Variants in ZNF462 observed in about 807,000 individuals in gnomAD.
The protein encoded by ZNF462 is zinc finger protein 462.
Under a neutral mutation model 201.9 loss-of-function variants are expected in ZNF462, and 10 were observed. The ratio of observed to expected loss-of-function variants is 0.05; its 90% CI spans 0.03 to 0.08. The LOEUF is 0.08. Among genes scored for constraint, ZNF462 ranks in the 10% least tolerant of loss-of-function variants. The pLI, the probability that ZNF462 is intolerant of heterozygous loss-of-function variation, is 1.00. For missense variants in ZNF462, 2,523 were observed against 3,168.3 expected (o/e 0.80, Z 4.89); for synonymous variants, 1,227 against 1,193.3 (o/e 1.03, Z -0.58).
At position 106,884,137 on chromosome 9, in the gene ZNF462, G is replaced by C. The variant is rs556677100; in HGVS notation, c.-31+20782G>C. On this transcript the variant is annotated intron_variant, in intron 1 of 12. Coordinates refer to ENST00000277225, the MANE Select transcript of ZNF462 (RefSeq NM_021224.6). ...TTCTGAGAACTTAGAAACAAAAAGG[G>C]ATTTATTAAAAATAGACTTTCAGGT... Among the ~76,000 whole-genome samples, 176 of 152,256 alleles carry C rather than the reference G, an allele frequency of 1.2e-3. 1 individual carries two copies. Among genetic ancestry groups the C allele is most frequent in the African/African-American group, 4.2e-3 (175 of 41,550 alleles).
rs188250463 is a variant in ZNF462 at position 107,006,848 on chromosome 9, T to C, written c.7190-2697T>C. ...AATACATGGACAAATAAAACATCCTTACCATATAGGTTGATTGTTCTTATA... is the reference window on the plus strand; with the variant it reads ...AATACATGGACAAATAAAACATCCTCACCATATAGGTTGATTGTTCTTATA... On this transcript the variant is annotated intron_variant, in intron 11 of 12. Coordinates refer to ENST00000277225, the MANE Select transcript of ZNF462 (RefSeq NM_021224.6). This position sits in a 1 kb window ranked among gnomAD's most constrained non-coding sequence, Gnocchi z 4.3. 1.6e-4 allele frequency among the ~76,000 whole-genome samples: 25 copies of C among 152,286 alleles called. No individual in the cohort carries two copies. The highest frequency in any genetic ancestry group is 5.8e-4 in the African/African-American group (24 of 41,574).
intron 7 of ZNF462, among the ~76,000 whole-genome samples, chr9:106,943,061 T>C (rs76438817): frequency 0.013 from 1,686 of 132,468 alleles, 8 homozygotes; most frequent in South Asian, 0.028. Context: ...TGCGCGCGCG[T>C]GTGTGTGTGT....
rs572405317 is a variant in ZNF462, at chr9:106,972,716, A to T, written c.6695+444A>T. On this transcript the variant is annotated intron_variant, in intron 8 of 12. Transcript: ENST00000277225. The surrounding 1 kb of genome is among the most constrained non-coding windows in gnomAD (Gnocchi z 4.8). ...AAAATTCTTTAATTCTTAAGATCGT[A>T]GTATTGAAAGACACATAGAGAATCA... Among the ~76,000 whole-genome samples, 32 of 152,306 alleles carry T rather than the reference A, an allele frequency of 2.1e-4. No homozygotes were observed. Among genetic ancestry groups the T allele is most frequent in the African/African-American group, 7.5e-4 (31 of 41,564 alleles).
At position 106,891,370 on chromosome 9, in the gene ZNF462, A is replaced by G. The variant is rs150300700; in HGVS notation, c.-31+28015A>G. Among the ~76,000 whole-genome samples the G allele has an allele frequency of 5.3e-3, 805 of 152,204 alleles. 10 individuals are homozygous for G. Among genetic ancestry groups the G allele is most frequent in the African/African-American group, 0.018 (747 of 41,514 alleles). On this transcript the variant is annotated intron_variant, in intron 1 of 12. Transcript: ENST00000277225. ...CCCCTGAGTTATCTGTGTCCTCTGA[A>G]AGTTTAAAAACAAGTGATTTTTTTT...
At position 106,958,063 on chromosome 9, in the gene ZNF462, C is replaced by T. The variant is rs114307533; in HGVS notation, c.6428-13942C>T. 6.5e-3 allele frequency among the ~76,000 whole-genome samples: 995 copies of T among 152,082 alleles called. 7 individuals carry two copies. The highest frequency in any genetic ancestry group is 0.023 in the African/African-American group (948 of 41,470). ...CAATTCTAACCTGCTAGTAAAATCCCGAGAAGAAAAGATGGTGTTTTCTAC... is the reference window on the plus strand; with the variant it reads ...CAATTCTAACCTGCTAGTAAAATCCTGAGAAGAAAAGATGGTGTTTTCTAC... On this transcript the variant is annotated intron_variant, in intron 7 of 12. Transcript: ENST00000277225.
At position 106,904,764 on chromosome 9, in the gene ZNF462, T is replaced by C. The variant is rs546442575; in HGVS notation, c.-30-18590T>C. On this transcript the variant is annotated intron_variant, in intron 1 of 12. Coordinates refer to ENST00000277225, the MANE Select transcript of ZNF462 (RefSeq NM_021224.6). ...AGTGTGTCCAAAGTTTTCTGAATTT[T>C]TGATTGTTTTTTTTCTTTAAGCTAT... 5.3e-5 allele frequency among the ~76,000 whole-genome samples: 8 copies of C among 152,340 alleles called. No homozygotes were observed. In the South Asian group the frequency reaches 1.7e-3, roughly 32 times the overall value.
Position 106,974,475 on chromosome 9 carries a change from A to AGGGAG in ZNF462, c.6832+204_6832+208dup. 1 of 707,236 alleles carries AGGGAG rather than the reference A, an allele frequency of 1.4e-6. No homozygotes were observed. The highest frequency in any genetic ancestry group is 2.3e-5 in the Admixed American group (1 of 43,324). The allele number at this position is 707,236 out of a possible 1,614,324, so 43.8% of individuals were successfully genotyped here. A position where few individuals can be genotyped will look rare whatever the true frequency, so the allele number is the denominator to read the frequency against. ...TGCTGGGAGTATTTCCTCCACCTGG[A>AGGGAG]GGGAGGCAAAGGTGATGGATTCTGC... On this transcript the variant is annotated intron_variant, in intron 9 of 12. Transcript: ENST00000277225. This position sits in a 1 kb window ranked among gnomAD's most constrained non-coding sequence, Gnocchi z 4.0.
In ZNF462 at chr9:107,006,719, G is replaced by A. The variant is rs775242555; in HGVS notation, c.7190-2826G>A. 6.6e-6 allele frequency among the ~76,000 whole-genome samples: 1 copy of A among 152,034 alleles called. No homozygotes were observed. The highest frequency in any genetic ancestry group is 6.5e-5 in the Admixed American group (1 of 15,268). On this transcript the variant is annotated intron_variant, in intron 11 of 12. Transcript: ENST00000277225. This position sits in a 1 kb window ranked among gnomAD's most constrained non-coding sequence, Gnocchi z 4.3. ...GCTAAAGACTATGGGTTTGCGAAGG[G>A]GGCCCCAGTTTGGCTCTTGAACCCC...
intron 9 of ZNF462, among the ~76,000 whole-genome samples, chr9:106,982,876 A>T (rs1392578761): frequency 6.6e-6 from 1 of 152,016 alleles, no homozygotes; most frequent in African/African-American, 2.4e-5. Context: ...CAAAGGGAGG[A>T]CTCTAAAGAG....
Position 106,924,877 on chromosome 9 carries a change from G to A in ZNF462, c.965G>A (p.Gly322Asp). 1.9e-6 allele frequency: 3 copies of A among 1,614,136 alleles called. No homozygotes were observed. The highest frequency in any genetic ancestry group is 2.5e-6 in the Non-Finnish European group (3 of 1,180,018). ...AATACTACCGTCTCCAACTTCAGGG[G>A]CTCCATGGGCAACTCCATCATGAGA... The part of the protein sequence containing the change: ...IPNTTVSNFR[G>D]SMGNSIMRPN... Residue 322 changes from glycine to aspartate, a missense_variant, in exon 3 of 13, where the codon GGC becomes GAC. Gly to Asp is a moderately conservative substitution (Grantham distance 94). Coordinates refer to ENST00000277225, the MANE Select transcript of ZNF462 (RefSeq NM_021224.6). The surrounding 1 kb of genome is among the most constrained non-coding windows in gnomAD (Gnocchi z 6.2).
chr9:106,960,321 C>T (rs1174498717), intron 7 of ZNF462, among the ~76,000 whole-genome samples: 1 of 152,132 alleles, frequency 6.6e-6, no homozygotes, highest in Non-Finnish European at 1.5e-5. Context: ...TTGTGACCAA[C>T]TCCTTGAAGT....
Position 106,936,000 on chromosome 9 carries a change from C to G in ZNF462, c.6235+379C>G, listed in dbSNP as rs1830615612. On this transcript the variant is annotated intron_variant, in intron 6 of 12. Transcript: ENST00000277225. The surrounding 1 kb of genome is among the most constrained non-coding windows in gnomAD (Gnocchi z 4.1). ...TTTCCAGCTAAAATAAAGTTACCAA[C>G]TTAAGGAAGTTAGAAAGGGCAAAGG... Among the ~76,000 whole-genome samples the G allele has an allele frequency of 6.6e-6, 1 of 152,158 alleles. No homozygotes were observed. Among genetic ancestry groups the G allele is most frequent in the Admixed American group, 6.5e-5 (1 of 15,276 alleles).
intron 7 of ZNF462, among the ~76,000 whole-genome samples, chr9:106,971,583 A>C (rs1826618408): frequency 6.6e-6 from 1 of 151,730 alleles, no homozygotes; most frequent in South Asian, 2.1e-4. Flanking sequence ...CCCTCTTAAA[A>C]AAAAAAAAAA....
chr9:106,973,337 C>G (rs1826736123), intron 8 of ZNF462, among the ~76,000 whole-genome samples: 1 of 151,928 alleles, frequency 6.6e-6, no homozygotes, highest in Non-Finnish European at 1.5e-5. Context: ...GAAGAAGTCT[C>G]TTTCCCACCA....
chr9:106,924,584 G>A lies in ZNF462; in HGVS notation c.672G>A (p.Val224=). The change falls in exon 3 of 13, where the codon GTG becomes GTA. Residue 224 remains valine (V), a synonymous_variant. Transcript: ENST00000277225. This position sits in a 1 kb window ranked among gnomAD's most constrained non-coding sequence, Gnocchi z 6.2. The stretch of plus-strand genomic sequence containing the variant: ...GCAAGGAACTGCCAGCAGAGGTTGT[G>A]GAGCGCAGCATCTTAGAGTCTATGG... ...DPCKELPAEV[V]ERSILESMVK... is the part of the protein sequence containing the mutation. 1.9e-6 allele frequency: 3 copies of A among 1,614,190 alleles called. No homozygotes were observed. Among genetic ancestry groups the A allele is most frequent in the East Asian group, 2.2e-5 (1 of 44,880 alleles).
In ZNF462 at chr9:107,009,854, C is replaced by G. The variant is rs1829821204; in HGVS notation, c.7313+186C>G. On this transcript the variant is annotated intron_variant, in intron 12 of 12. Coordinates refer to ENST00000277225, the MANE Select transcript of ZNF462 (RefSeq NM_021224.6). The surrounding 1 kb of genome is among the most constrained non-coding windows in gnomAD (Gnocchi z 6.1). ...TCTGTTGTTTTTTAAAATGGTCACC[C>G]AGCCGCAAGTCAAATAGGGAAAAAA... 6.6e-6 allele frequency among the ~76,000 whole-genome samples: 1 copy of G among 152,040 alleles called. No individual in the cohort carries two copies. Among genetic ancestry groups the G allele is most frequent in the South Asian group, 2.1e-4 (1 of 4,806 alleles).
rs1332209405 is a variant in ZNF462 at position 106,905,386 on chromosome 9, TG to T, written c.-30-17967del. Among the ~76,000 whole-genome samples, 1 of 152,310 alleles carries T rather than the reference TG, an allele frequency of 6.6e-6. No homozygotes were observed. Among genetic ancestry groups the T allele is most frequent in the East Asian group, 1.9e-4 (1 of 5,174 alleles). On this transcript the variant is annotated intron_variant, in intron 1 of 12. Transcript: ENST00000277225. The surrounding 1 kb of genome is among the most constrained non-coding windows in gnomAD (Gnocchi z 5.9). ...CTTTGGTGATTTAATGGTCTATTTT[TG>T]TGCTCATTGGCCTCCTGCCAGGAGG...
chr9:106,943,059 C>CGCGCGCGCGCGTGTGTGTGT (rs374167214), intron 7 of ZNF462, among the ~76,000 whole-genome samples: 11 of 143,240 alleles, frequency 7.7e-5, no homozygotes, highest in African/African-American at 2.9e-4. Context: ...TTTGCGCGCG[C>CGCGCGCGCGCGTGTGTGTGT]GTGTGTGTGT....
chr9:106,923,466 C>T lies in ZNF462; in HGVS notation c.83C>T (p.Thr28Met), dbSNP rs765722611. 3 of 1,614,066 alleles carry T rather than the reference C, an allele frequency of 1.9e-6. No homozygotes were observed. Among genetic ancestry groups the T allele is most frequent in the African/African-American group, 1.3e-5 (1 of 74,910 alleles). ...AAGGCACACATTCAGGATGTCCACA[C>T]GGCATTTCTGCAGCCAACTGATGTT... ...DLKAHIQDVH[T>M]AFLQPTDVAE... The change falls in exon 2 of 13, where the codon ACG becomes ATG. Residue 28 changes from threonine to methionine, a missense_variant. Thr to Met is a moderately conservative substitution (Grantham distance 81). Around this residue, in one of 15 missense-constraint regions of ZNF462, gnomAD observed 480 missense variants for 544.4 expected, o/e 0.88. Transcript: ENST00000277225. This position sits in a 1 kb window ranked among gnomAD's most constrained non-coding sequence, Gnocchi z 5.6.
Sources: gnomAD v4.1 joint callset for allele counts (sites outside exome capture counted in the v4.1 genomes callset) on GRCh38, gnomAD v4.1.1 for gene constraint, gnomAD v4.1.1 regional missense constraint, Gnocchi (gnomAD v3.1) non-coding constraint, MANE v1.5 for transcripts, NCBI Gene and HGNC (gene_info 2026-07-23, HGNC 2026-07-21) for gene names.